The following OTOG variants were observed in gnomAD, a reference collection of about 807,000 sequenced individuals.
OTOG encodes the protein otogelin.
A neutral mutation model predicts 313.8 loss-of-function variants in OTOG; 296 were observed. The ratio of observed to expected loss-of-function variants is 0.94; its 90% CI spans 0.86 to 1.04. The LOEUF is 1.04. Among genes scored for constraint, OTOG ranks in the 50% least tolerant of loss-of-function variants. OTOG has a pLI of 0.00. For missense variants in OTOG, 3,948 were observed against 3,840.1 expected, an observed-to-expected ratio of 1.03 and a Z score of -0.74; for synonymous variants, 1,533 against 1,554.9, an observed-to-expected ratio of 0.99 and a Z score of 0.33.
In OTOG at chr11:17,610,551, C is replaced by T. The variant is rs1188359398; in HGVS notation, c.5251C>T (p.Arg1751Cys). 7.7e-6 allele frequency: 12 copies of T among 1,550,620 alleles called. No individual in the cohort carries two copies. Among genetic ancestry groups the T allele is most frequent in the South Asian group, 2.4e-5 (2 of 84,024 alleles). Residue 1751 changes from arginine (R) to cysteine (C), a missense_variant, in exon 36 of 56, where the codon CGC becomes TGC. Physicochemically the swap from Arg to Cys is radical, Grantham distance 180. Transcript: ENST00000399397. ...QPHPLPSAPP[R>C]PAQHTTMATR... ...ACACCCACTCCCCTCTGCACCACCC[C>T]GCCCAGCCCAGCATACCACCATGGC...
intron 3 of OTOG, among the ~76,000 whole-genome samples, chr11:17,551,692 G>A (rs1442261232): frequency 1.3e-5 from 2 of 152,266 alleles, no homozygotes; most frequent in East Asian, 3.9e-4. Context: ...GGAAGAAAAG[G>A]AGGCTGGCAG....
intron 15 of OTOG, among the ~76,000 whole-genome samples, chr11:17,568,279 C>T (rs1852332221): frequency 1.3e-5 from 2 of 152,154 alleles, no homozygotes; most frequent in Admixed American, 1.3e-4. Flanking sequence ...TGAACAGCAC[C>T]TGAACATACT....
intron 47 of OTOG, among the ~76,000 whole-genome samples, chr11:17,638,020 G>A (rs1854304637): frequency 6.6e-6 from 1 of 152,200 alleles, no homozygotes; most frequent in African/African-American, 2.4e-5. Context: ...AAGGAAGTGC[G>A]GGCCCTGCAG....
Position 17,555,817 on chromosome 11 carries a change from C to T in OTOG, c.579C>T (p.Thr193=), listed in dbSNP as rs1311359312. 6.4e-7 allele frequency: 1 copy of T among 1,550,816 alleles called. No homozygotes were observed. The highest frequency in any genetic ancestry group is 8.7e-7 in the Non-Finnish European group (1 of 1,147,048). ...NDPQCGSSPY[T]CSRAVSLFFV... ...CGCAGTGTGGCTCTTCACCCTACAC[C>T]TGCTCCAGGGCTGTCAGCCTCTTCT... is the stretch of plus-strand genomic sequence containing the variant. The change falls in exon 7 of 56, where the codon ACC becomes ACT. Residue 193 remains threonine, a synonymous_variant. Transcript: ENST00000399397.
chr11:17,641,789 G>A (rs1354814994), intron 51 of OTOG, 58 bp from the exon 52 acceptor site: 3 of 1,276,438 alleles, frequency 2.4e-6, no homozygotes, highest in Non-Finnish European at 3.3e-6. Context: ...ACCAGGCAGT[G>A]GGAGAGCCAG....
chr11:17,572,865 CA>C (rs1409084508), intron 18 of OTOG, among the ~76,000 whole-genome samples: 4 of 152,162 alleles, frequency 2.6e-5, no homozygotes, highest in African/African-American at 9.7e-5. Flanking sequence ...ATGTAAGCTC[CA>C]GGGATTTTTG....
intron 7 of OTOG, among the ~76,000 whole-genome samples, chr11:17,556,336 C>T (rs1192480795): frequency 6.6e-6 from 1 of 152,176 alleles, no homozygotes; most frequent in African/African-American, 2.4e-5. Flanking sequence ...GCTTGGAGGA[C>T]CACCAGAGGA....
At chr11:17,578,585 C>G (rs1036351426) in intron 23 of OTOG, 59 bp downstream of exon 23, 7 of 1,468,962 alleles carry the variant, frequency 4.8e-6, no homozygotes, top group African/African-American at 1.4e-5. Flanking sequence ...CCAAGGGCCA[C>G]AGGGTGGAGT....
chr11:17,604,967 TG>T (rs1022124390), intron 32 of OTOG, among the ~76,000 whole-genome samples: 5 of 152,220 alleles, frequency 3.3e-5, no homozygotes, highest in African/African-American at 1.2e-4. Flanking sequence ...TCGTCCCTCC[TG>T]GGGACACAGG....
In OTOG at chr11:17,552,066, G is replaced by A. The variant is rs1275910055; in HGVS notation, c.283G>A (p.Ala95Thr). The stretch of plus-strand genomic sequence containing the variant: ...AAGGCGGCTCCATCGGGCCAAGTGT[G>A]CACCATCCTGTAAGTGGCACCTTCA... ...WERRLHRAKC[A>T]PSYLFSCFNG... Residue 95 changes from alanine to threonine, a missense_variant, in exon 4 of 56, where the codon GCA (alanine) becomes ACA (threonine). Coordinates refer to ENST00000399397, the MANE Select transcript of OTOG (RefSeq NM_001292063.2). 6 of 1,550,350 alleles carry A rather than the reference G, an allele frequency of 3.9e-6. No individual in the cohort carries two copies. The African/African-American group carries it at 8.2e-5, about 21-fold the overall frequency.
chr11:17,563,645 TG>T (rs1447903113), intron 15 of OTOG, among the ~76,000 whole-genome samples: 1 of 151,854 alleles, frequency 6.6e-6, no homozygotes, highest in African/African-American at 2.4e-5. Flanking sequence ...TACAGAATCC[TG>T]GGGGCTATTG....
rs2041028 is a variant in OTOG, at chr11:17,610,204, C to T, written c.4904C>T (p.Pro1635Leu). 0.38 allele frequency: 588,022 copies of T among 1,550,170 alleles called. 115,879 individuals are homozygous for T. Among genetic ancestry groups the T allele is most frequent in the African/African-American group, 0.63 (45,820 of 73,036 alleles). The change falls in exon 36 of 56, where the codon CCA becomes CTA. Residue 1635 changes from proline to leucine, a missense_variant. By Grantham distance (98) the Pro-to-Leu change is moderately conservative (BLOSUM62 -3). Coordinates refer to ENST00000399397, the MANE Select transcript of OTOG (RefSeq NM_001292063.2). The stretch of plus-strand genomic sequence containing the variant: ...TCCTTGCCTGTTAGGACGACACCCC[C>T]ACAGCCCTCCTTGACAGCAAGTCCC... ...HGSLPVRTTP[P>L]QPSLTASPSS...
intron 18 of OTOG, 104 bp from the exon 19 acceptor site, chr11:17,572,974 C>T (rs774791761): frequency 4.1e-6 from 4 of 976,674 alleles, no homozygotes; most frequent in Non-Finnish European, 4.4e-6. Context: ...ACAGCGTGTG[C>T]ACACACACAC....
intron 39 of OTOG, among the ~76,000 whole-genome samples, chr11:17,626,957 A>G (rs755564163): frequency 2.0e-5 from 3 of 152,198 alleles, no homozygotes; most frequent in Non-Finnish European, 4.4e-5. Flanking sequence ...TGATTTTTCT[A>G]TGTTGATTTT....
In OTOG at chr11:17,547,934, A is replaced by ACCCG. The variant is rs1331763208; in HGVS notation, c.103_106dup (p.Val36AlafsTer41). 4 of 464,874 alleles carry ACCCG rather than the reference A, an allele frequency of 8.6e-6. No individual in the cohort carries two copies. Among genetic ancestry groups the ACCCG allele is most frequent in the Non-Finnish European group, 1.5e-5 (4 of 266,688 alleles). The allele number at this position is 464,874 out of a possible 1,614,324, so 28.8% of individuals were successfully genotyped here. ...AATAATCCCCCTCCCCAGCCGCAGC[A>ACCCG]CCCGTTCTGTGGGGCAGTGCAGAGC... On this transcript the variant is annotated frameshift_variant, in exon 2 of 56. Transcript: ENST00000399397. LOFTEE classifies it high-confidence loss of function.
chr11:17,610,955 T>C lies in OTOG; in HGVS notation c.5655T>C (p.Ser1885=). The C allele has an allele frequency of 6.4e-7, 1 of 1,550,462 alleles. No individual in the cohort carries two copies. ...TGCTGGGAGCCACATTGCCAACCTCTGGAGTCCTGCCTGTGGCTGAGGGCA... is the reference window on the plus strand; with the variant it reads ...TGCTGGGAGCCACATTGCCAACCTCCGGAGTCCTGCCTGTGGCTGAGGGCA... ...GLLLGATLPT[S]GVLPVAEGTA... The change falls in exon 36 of 56, where the codon TCT becomes TCC. Residue 1885 remains serine (S), a synonymous_variant. Transcript: ENST00000399397.
rs921740939 is a variant in OTOG at position 17,576,905 on chromosome 11, GC to G, written c.2603del (p.Pro868GlnfsTer12). On this transcript the variant is annotated frameshift_variant, in exon 22 of 56. Coordinates refer to ENST00000399397, the MANE Select transcript of OTOG (RefSeq NM_001292063.2). LOFTEE classifies it high-confidence loss of function. ...TGGAGTCATGAGCTGTGATAGCAGA[GC>G]CCCAGGTAAGGGTGGGTGGAGGGGT... ...KDGVMSCDSR[A>X]PAAACPAGQV... is the part of the protein sequence containing the mutation. 6.5e-7 allele frequency: 1 copy of G among 1,550,368 alleles called. No homozygotes were observed. The highest frequency in any genetic ancestry group is 1.4e-5 in the African/African-American group (1 of 73,066).
chr11:17,626,444 G>A (rs2134119417), intron 39 of OTOG, among the ~76,000 whole-genome samples: 1 of 152,292 alleles, frequency 6.6e-6, no homozygotes, highest in East Asian at 1.9e-4. Flanking sequence ...CTAAAGTGCT[G>A]GGATTACAGG....
intron 24 of OTOG, among the ~76,000 whole-genome samples, chr11:17,589,231 C>G (rs1304362937): frequency 1.3e-5 from 2 of 152,150 alleles, no homozygotes; most frequent in Non-Finnish European, 2.9e-5. Flanking sequence ...GCCCTTAGAG[C>G]TGATGGGCTC....
Sources: allele counts gnomAD v4.1 joint callset (sites outside exome capture counted in the v4.1 genomes callset), GRCh38; gene constraint gnomAD v4.1.1; transcripts MANE v1.5; gene names NCBI Gene and HGNC (gene_info 2026-07-23, HGNC 2026-07-21).